Variants in STXBP5L observed in about 807,000 individuals in gnomAD.
STXBP5L encodes syntaxin binding protein 5L.
A neutral mutation model predicts 144.5 loss-of-function variants in STXBP5L; 65 were observed. That is an observed-to-expected ratio of 0.45 (90% confidence interval 0.37 to 0.55). The LOEUF is 0.55. Among genes scored for constraint, STXBP5L ranks in the 20% least tolerant of loss-of-function variants. The pLI is 0.00. For synonymous variants in STXBP5L, 505 were observed against 469.6 expected (o/e 1.08, Z -0.97); for missense variants, 1,298 against 1,405.5 (o/e 0.92, Z 1.22).
intron 11 of STXBP5L, among the ~76,000 whole-genome samples, chr3:121,232,486 G>A (rs1375191720): frequency 1.3e-5 from 2 of 152,190 alleles, no homozygotes. Context: ...AAAGTCAGCA[G>A]GGCCATGCTG....
At chr3:121,288,918 C>A (rs1372069626) in intron 19 of STXBP5L, among the ~76,000 whole-genome samples, 1 of 152,048 alleles carries the variant, frequency 6.6e-6, no homozygotes, top group Admixed American at 6.6e-5. Flanking sequence ...TTTGTCAGGT[C>A]CTATGTCACA....
chr3:121,205,858 AT>A lies in STXBP5L; in HGVS notation c.878-59del, dbSNP rs1266069308. On this transcript the variant is annotated intron_variant, in intron 9 of 26. Coordinates refer to ENST00000471454, the MANE Select transcript of STXBP5L (RefSeq NM_001308330.2). ...TTTATCTTTAAATTCCCTTAGTCAAATTTTTTAATTCTTACAGATGAATATA... is the reference window on the plus strand; with the variant it reads ...TTTATCTTTAAATTCCCTTAGTCAAATTTTTAATTCTTACAGATGAATATA... 290 of 858,790 alleles carry A rather than the reference AT, an allele frequency of 3.4e-4. 2 individuals carry two copies. The highest frequency in any genetic ancestry group is 2.3e-3 in the Admixed American group (68 of 29,484). 53.2% of individuals were successfully genotyped at this position (858,790 alleles called of 1,614,324 possible).
chr3:121,336,915 C>A (rs575122920), intron 20 of STXBP5L, among the ~76,000 whole-genome samples: 2 of 152,156 alleles, frequency 1.3e-5, no homozygotes, highest in Non-Finnish European at 2.9e-5. Flanking sequence ...GAATACCACA[C>A]AGCCATAAAA....
intron 20 of STXBP5L, among the ~76,000 whole-genome samples, chr3:121,319,078 T>C (rs2043884062): frequency 6.6e-6 from 1 of 152,172 alleles, no homozygotes; most frequent in Non-Finnish European, 1.5e-5. Flanking sequence ...GATAAATCTT[T>C]AAGGTACTGT....
chr3:121,346,503 A>T (rs1218216102), intron 20 of STXBP5L, among the ~76,000 whole-genome samples: 3 of 152,118 alleles, frequency 2.0e-5, no homozygotes, highest in South Asian at 2.1e-4. Flanking sequence ...TATTTCTAGT[A>T]CTAGATCCCT....
intron 19 of STXBP5L, among the ~76,000 whole-genome samples, chr3:121,305,457 A>AG: frequency 6.6e-6 from 1 of 152,278 alleles, no homozygotes; most frequent in South Asian, 2.1e-4. Flanking sequence ...AGAAAGATAA[A>AG]GCATCATAAC....
At chr3:121,309,816 T>C (rs1044344775) in intron 19 of STXBP5L, among the ~76,000 whole-genome samples, 2 of 152,186 alleles carry the variant, frequency 1.3e-5, no homozygotes, top group Non-Finnish European at 2.9e-5. Context: ...TTTGTAGAAC[T>C]TGAGAAAGTG....
intron 9 of STXBP5L, among the ~76,000 whole-genome samples, chr3:121,201,524 A>G (rs2048137963): frequency 6.6e-6 from 1 of 152,084 alleles, no homozygotes; most frequent in South Asian, 2.1e-4. Context: ...AAATGTTAAT[A>G]TTGTTATGTG....
At chr3:121,400,716 G>A (rs2046851507) in intron 22 of STXBP5L, among the ~76,000 whole-genome samples, 1 of 152,144 alleles carries the variant, frequency 6.6e-6, no homozygotes, top group African/African-American at 2.4e-5. Context: ...GCTCCCTCAG[G>A]TCTGGTCTGG....
At chr3:120,965,437 G>A (rs1038044639) in intron 3 of STXBP5L, among the ~76,000 whole-genome samples, 1 of 152,140 alleles carries the variant, frequency 6.6e-6, no homozygotes, top group African/African-American at 2.4e-5. Context: ...TCTATGTTTA[G>A]TGCTTCCTTG....
chr3:121,413,589 G>A (rs1365675459), intron 24 of STXBP5L, among the ~76,000 whole-genome samples: 1 of 152,042 alleles, frequency 6.6e-6, no homozygotes, highest in Non-Finnish European at 1.5e-5. Context: ...TTTTGCCTAT[G>A]GAGAATCTTA....
chr3:121,183,920 CAG>C (rs902484693), intron 9 of STXBP5L, among the ~76,000 whole-genome samples: 1 of 152,008 alleles, frequency 6.6e-6, no homozygotes, highest in African/African-American at 2.4e-5. Flanking sequence ...CCCAGGCAAA[CAG>C]GGTCTGGAAT....
chr3:120,962,088 G>A (rs1216867523), intron 3 of STXBP5L, among the ~76,000 whole-genome samples: 1 of 152,114 alleles, frequency 6.6e-6, no homozygotes, highest in African/African-American at 2.4e-5. Context: ...AGAAGTGTCT[G>A]TTCATATCAT....
intron 9 of STXBP5L, among the ~76,000 whole-genome samples, chr3:121,173,431 T>G (rs1231807903): frequency 1.3e-5 from 2 of 151,790 alleles, no homozygotes; most frequent in African/African-American, 2.4e-5. Context: ...TTATTAAACT[T>G]ATCAGAGAAC....
chr3:121,213,864 G>T (rs181689058), intron 10 of STXBP5L, among the ~76,000 whole-genome samples: 1 of 152,136 alleles, frequency 6.6e-6, no homozygotes, highest in African/African-American at 2.4e-5. Context: ...GGGTTGGTAG[G>T]CTATTAATTA....
At chr3:121,141,941 T>A (rs947495599) in intron 7 of STXBP5L, among the ~76,000 whole-genome samples, 1 of 151,592 alleles carries the variant, frequency 6.6e-6, no homozygotes, top group Non-Finnish European at 1.5e-5. Flanking sequence ...ATCTCCCCAA[T>A]CGAAAGATAC....
rs538239371 is a variant in STXBP5L, at chr3:121,196,839, G to T, written c.878-9084G>T. On this transcript the variant is annotated intron_variant, in intron 9 of 26. Coordinates refer to ENST00000471454, the MANE Select transcript of STXBP5L (RefSeq NM_001308330.2). ...CCTTTGCTACCATGCCCAGATTATT[G>T]ATTGATTGATTGATTGATTGATTGA... Among the ~76,000 whole-genome samples the T allele has an allele frequency of 2.1e-4, 30 of 143,870 alleles. No homozygotes were observed. The South Asian group carries it at 6.5e-3, about 31-fold the overall frequency. The allele number at this position is 143,870 out of a possible 152,430, so 94.4% of individuals were successfully genotyped here. A position where few individuals can be genotyped will look rare whatever the true frequency, so the allele number is the denominator to read the frequency against.
At chr3:121,004,816 G>A (rs888175320) in intron 3 of STXBP5L, among the ~76,000 whole-genome samples, 2 of 152,128 alleles carry the variant, frequency 1.3e-5, no homozygotes, top group East Asian at 1.9e-4. Context: ...AATCATGTGG[G>A]TTTTGTCATT....
At chr3:121,175,203 G>C (rs1337848210) in intron 9 of STXBP5L, among the ~76,000 whole-genome samples, 1 of 152,046 alleles carries the variant, frequency 6.6e-6, no homozygotes, top group Non-Finnish European at 1.5e-5. Flanking sequence ...GGGGAACAAA[G>C]ACTGAGAAAA....
Sources: allele counts gnomAD v4.1 joint callset (sites outside exome capture counted in the v4.1 genomes callset), GRCh38; gene constraint gnomAD v4.1.1; transcripts MANE v1.5; gene names NCBI Gene and HGNC (gene_info 2026-07-23, HGNC 2026-07-21).